Variants in FAF1 observed in about 807,000 individuals in gnomAD.
The protein encoded by FAF1 is Fas associated factor 1.
Under a neutral mutation model 92.5 loss-of-function variants are expected in FAF1, and 25 were observed. That is an observed-to-expected ratio of 0.27 (90% confidence interval 0.20 to 0.38). The LOEUF is 0.38. Ranked by LOEUF, FAF1 falls within the 10% of genes least tolerant of loss-of-function variation. FAF1 has a pLI of 1.00. For synonymous variants in FAF1, 234 were observed against 273.2 expected, an observed-to-expected ratio of 0.86 and a Z score of 1.42; for missense variants, 636 against 793.3, an observed-to-expected ratio of 0.80 and a Z score of 2.38.
At chr1:50,448,476 C>T (rs193257338) in intron 18 of FAF1, among the ~76,000 whole-genome samples, 54 of 152,220 alleles carry the variant, frequency 3.5e-4, no homozygotes, top group African/African-American at 1.1e-3. Context: ...CATGGAGTGA[C>T]TTCTGGATGT....
chr1:50,485,385 G>T (rs1311331788), intron 17 of FAF1, among the ~76,000 whole-genome samples: 1 of 151,932 alleles, frequency 6.6e-6, no homozygotes, highest in Non-Finnish European at 1.5e-5. Flanking sequence ...ACCTGAGGCT[G>T]GGCGCGGTGG....
intron 1 of FAF1, among the ~76,000 whole-genome samples, chr1:50,957,311 T>C (rs920841122): frequency 6.6e-6 from 1 of 151,894 alleles, no homozygotes; most frequent in African/African-American, 2.4e-5. Flanking sequence ...GAAAAACTTA[T>C]TCCCATCTTA....
At chr1:50,862,516 C>A (rs572298810) in intron 1 of FAF1, among the ~76,000 whole-genome samples, 2 of 151,718 alleles carry the variant, frequency 1.3e-5, no homozygotes, top group Admixed American at 6.6e-5. Context: ...TATTTGTTAG[C>A]ACAATAGAGT....
intron 5 of FAF1, among the ~76,000 whole-genome samples, chr1:50,742,751 T>G (rs1659438177): frequency 6.6e-6 from 1 of 152,124 alleles, no homozygotes. Context: ...GAACTCATTT[T>G]GGTGTTTTCT....
intron 4 of FAF1, among the ~76,000 whole-genome samples, chr1:50,749,267 T>C (rs960096822): frequency 2.0e-5 from 3 of 152,088 alleles, no homozygotes; most frequent in Non-Finnish European, 4.4e-5. Flanking sequence ...GAAACCAATC[T>C]CCAAGACCTG....
At chr1:50,530,686 C>T (rs1455398886) in intron 15 of FAF1, among the ~76,000 whole-genome samples, 1 of 152,066 alleles carries the variant, frequency 6.6e-6, no homozygotes, top group Non-Finnish European at 1.5e-5. Flanking sequence ...GAGATGGATA[C>T]CCCATTCTCC....
chr1:50,836,491 G>C (rs1644206848), intron 2 of FAF1, among the ~76,000 whole-genome samples: 1 of 152,098 alleles, frequency 6.6e-6, no homozygotes, highest in Non-Finnish European at 1.5e-5. Flanking sequence ...AAGTTGCACT[G>C]TCCTAATATT....
intron 4 of FAF1, among the ~76,000 whole-genome samples, chr1:50,765,513 T>C (rs976277487): frequency 7.2e-5 from 11 of 152,210 alleles, no homozygotes; most frequent in African/African-American, 2.7e-4. Context: ...ATAGTCCAAT[T>C]ATTTCCATTC....
intron 1 of FAF1, among the ~76,000 whole-genome samples, chr1:50,872,245 G>C (rs1247389920): frequency 6.6e-6 from 1 of 152,126 alleles, no homozygotes; most frequent in Non-Finnish European, 1.5e-5. Flanking sequence ...ATCAACAAGA[G>C]TTTGGGAGAA....
chr1:50,886,989 C>A (rs1644671380), intron 1 of FAF1, among the ~76,000 whole-genome samples: 1 of 152,160 alleles, frequency 6.6e-6, no homozygotes, highest in African/African-American at 2.4e-5. Context: ...CTTTACAGTC[C>A]CACCAACAGT....
intron 2 of FAF1, chr1:50,846,512 G>A (rs566448404): frequency 8.1e-6 from 4 of 496,434 alleles, no homozygotes; most frequent in Admixed American, 2.1e-5. Flanking sequence ...GCCATGCCGC[G>A]GCCAGACTGC....
chr1:50,650,284 CA>C (rs1213490969), intron 8 of FAF1, among the ~76,000 whole-genome samples: 25,818 of 84,192 alleles, frequency 0.31, 2,608 homozygotes, highest in Middle Eastern at 0.44. Context: ...AACTCTGTCT[CA>C]AAAAAAAAAA....
At chr1:50,863,043 C>T (rs1199452017) in intron 1 of FAF1, among the ~76,000 whole-genome samples, 4 of 151,908 alleles carry the variant, frequency 2.6e-5, no homozygotes, top group Admixed American at 2.6e-4. Context: ...ACATTCTACC[C>T]AACAACTGCA....
chr1:50,860,352 C>T (rs561022590), intron 1 of FAF1, among the ~76,000 whole-genome samples: 31 of 151,862 alleles, frequency 2.0e-4, no homozygotes, highest in African/African-American at 7.0e-4. Flanking sequence ...TCACAAACTA[C>T]ACATGTGACA....
intron 4 of FAF1, among the ~76,000 whole-genome samples, chr1:50,759,309 AC>A (rs1660221583): frequency 4.6e-5 from 1 of 21,530 alleles, no homozygotes; most frequent in South Asian, 1.9e-3. Context: ...CCTCCCCCCC[AC>A]CCCACAACAG....
chr1:50,609,972 T>C (rs1437433972), intron 8 of FAF1, among the ~76,000 whole-genome samples: 1 of 152,132 alleles, frequency 6.6e-6, no homozygotes, highest in African/African-American at 2.4e-5. Flanking sequence ...CACTTTAACT[T>C]TTCTATACTC....
At chr1:50,797,060 A>G (rs986225355) in intron 3 of FAF1, among the ~76,000 whole-genome samples, 2 of 151,556 alleles carry the variant, frequency 1.3e-5, no homozygotes, top group Non-Finnish European at 3.0e-5. Flanking sequence ...CAATTGAGTC[A>G]GGGAGGTAGA....
At chr1:50,641,830 AC>A (rs937501946) in intron 8 of FAF1, among the ~76,000 whole-genome samples, 1 of 152,206 alleles carries the variant, frequency 6.6e-6, no homozygotes, top group African/African-American at 2.4e-5. Context: ...CCAGGCACAT[AC>A]ACATTTAGGA....
chr1:50,687,356 A>C (rs1435552267), intron 7 of FAF1, among the ~76,000 whole-genome samples: 55 of 98,258 alleles, frequency 5.6e-4, no homozygotes, highest in Admixed American at 4.7e-3. Flanking sequence ...TTTATCAATC[A>C]AAAAAAAAAA....
Sources: allele counts gnomAD v4.1 joint callset (sites outside exome capture counted in the v4.1 genomes callset), GRCh38; gene constraint gnomAD v4.1.1; transcripts MANE v1.5; gene names NCBI Gene and HGNC (gene_info 2026-07-23, HGNC 2026-07-21).